The following MYNN variants were observed in gnomAD, a reference collection of about 807,000 sequenced individuals.
MYNN encodes zinc finger and BTB domain-containing protein 31.
In MYNN, 22 loss-of-function variants were observed where a neutral mutation model predicts 57.2. That is an observed-to-expected ratio of 0.38 (90% CI 0.27 to 0.55). The LOEUF (loss-of-function observed/expected upper bound fraction) is 0.55. Among genes scored for constraint, MYNN ranks in the 20% least tolerant of loss-of-function variants. The pLI, the probability that MYNN is intolerant of heterozygous loss-of-function variation, is 0.71. For missense variants in MYNN, 566 were observed against 723.1 expected (o/e 0.78, Z 2.49); for synonymous variants, 241 against 257.1 (o/e 0.94, Z 0.60).
chr3:169,779,599 G>T, intron 3 of MYNN, 38 bp downstream of exon 3: 1 of 1,576,474 alleles, frequency 6.3e-7, no homozygotes, highest in Non-Finnish European at 8.6e-7. Flanking sequence ...TTTTTATACT[G>T]TGACTAATAT....
At chr3:169,779,622 TAG>T (rs1462515701) in intron 3 of MYNN, 61 bp downstream of exon 3, 3 of 1,501,596 alleles carry the variant, frequency 2.0e-6, no homozygotes, top group East Asian at 4.5e-5. Context: ...TGTATTTTTA[TAG>T]AGAGTACTTA....
rs1030239593 is a variant in MYNN at position 169,787,154 on chromosome 3, T to C, written c.*476T>C. On this transcript the variant is annotated 3_prime_UTR_variant, in exon 8 of 8. Transcript: ENST00000349841. ...CTATGCATAAAAATAAAATTTCATATTTTCGCTCGTAAAAATTTAGGCGCT... is the reference window on the plus strand; with the variant it reads ...CTATGCATAAAAATAAAATTTCATACTTTCGCTCGTAAAAATTTAGGCGCT... The C allele has an allele frequency of 8.5e-5, 13 of 152,844 alleles. No homozygotes were observed. Among genetic ancestry groups the C allele is most frequent in the African/African-American group, 3.1e-4 (13 of 41,436 alleles). 9.5% of individuals were successfully genotyped at this position (152,844 alleles called of 1,614,324 possible).
chr3:169,779,492 G>T lies in MYNN; in HGVS notation c.991G>T (p.Val331Phe). 6.2e-7 allele frequency: 1 copy of T among 1,614,196 alleles called. No individual in the cohort carries two copies. The highest frequency in any genetic ancestry group is 8.5e-7 in the Non-Finnish European group (1 of 1,180,038). Residue 331 changes from valine (V) to phenylalanine (F), a missense_variant, in exon 3 of 8, where the codon GTC (valine) becomes TTC (phenylalanine). This residue lies in a region of MYNN where 123 missense variants were observed against 222.6 expected (regional missense o/e 0.55). Transcript: ENST00000349841. ...AATACATAAAGGAGTCAAACCTTAC[G>T]TCTGCCACTTATGTGGAAAGGCATT... is the stretch of plus-strand genomic sequence containing the variant. ...MRIHKGVKPY[V>F]CHLCGKAFTQ... is the part of the protein sequence containing the mutation.
Position 169,781,203 on chromosome 3 carries a change from A to G in MYNN, c.1220+454A>G, listed in dbSNP as rs184228704. Among the ~76,000 whole-genome samples the G allele has an allele frequency of 3.4e-4, 52 of 152,358 alleles. 1 individual carries two copies. In the East Asian group the frequency reaches 7.7e-3, roughly 23 times the overall value. On this transcript the variant is annotated intron_variant, in intron 4 of 7. Transcript: ENST00000349841. ...TGTATGTGAAGTCTGGAAGAGAGTC[A>G]AAGATGATTCTGAGGTTTTGGGCCT...
At position 169,780,661 on chromosome 3, in the gene MYNN, C is replaced by T. The variant is rs772569408; in HGVS notation, c.1132C>T (p.Arg378Cys). 7.4e-6 allele frequency: 12 copies of T among 1,612,462 alleles called. No individual in the cohort carries two copies. The highest frequency in any genetic ancestry group is 2.2e-5 in the East Asian group (1 of 44,824). The change falls in exon 4 of 8, where the codon CGC becomes TGC. Residue 378 changes from arginine (R) to cysteine (C), a missense_variant. Coordinates refer to ENST00000349841, the MANE Select transcript of MYNN (RefSeq NM_018657.5). ...GAAATGTCAGCTAGTCTTCCATAGTCGCATGCATCATGGTGAAGAAAAACC... is the reference window on the plus strand; with the variant it reads ...GAAATGTCAGCTAGTCTTCCATAGTTGCATGCATCATGGTGAAGAAAAACC... ...AQKCQLVFHSRMHHGEEKPYK... is the reference protein window; with the variant it reads ...AQKCQLVFHSCMHHGEEKPYK...
chr3:169,783,785 A>T (rs1778590667), intron 6 of MYNN: 1 of 595,080 alleles, frequency 1.7e-6, no homozygotes, highest in Non-Finnish European at 3.1e-6. Flanking sequence ...TCCAAGAAAT[A>T]TGCCAGATAA....
chr3:169,775,443 T>C (rs1220221636), intron 2 of MYNN, among the ~76,000 whole-genome samples: 1 of 152,228 alleles, frequency 6.6e-6, no homozygotes, highest in Non-Finnish European at 1.5e-5. Context: ...CTGTTCATAA[T>C]CTTCTGACAC....
At chr3:169,780,502 C>G (rs1192214727) in intron 3 of MYNN, 88 bp from the exon 4 acceptor site, 1 of 882,280 alleles carries the variant, frequency 1.1e-6, no homozygotes, top group Non-Finnish European at 1.6e-6. Context: ...TTCTTAATAA[C>G]AAAGCTAGTA....
At chr3:169,784,841 A>G (rs1011864033) in intron 7 of MYNN, 133 bp downstream of exon 7, 3 of 473,934 alleles carry the variant, frequency 6.3e-6, no homozygotes, top group Admixed American at 4.4e-5. Context: ...AAAACTAGGT[A>G]TATACATGTG....
At chr3:169,776,894 GT>G (rs1413065925) in intron 2 of MYNN, among the ~76,000 whole-genome samples, 1 of 151,964 alleles carries the variant, frequency 6.6e-6, no homozygotes, top group Non-Finnish European at 1.5e-5. Context: ...TAGATACGGG[GT>G]TTTACCATGT....
rs1379239377 is a variant in MYNN, at chr3:169,779,225, G to A, written c.724G>A (p.Glu242Lys). Residue 242 changes from glutamate to lysine, a missense_variant, in exon 3 of 8, where the codon GAA becomes AAA. Transcript: ENST00000349841. ...AGAACTCGAGTTGACATCAGTTGTG[G>A]AAAATACTTTTCCAGCACAAGATAT... The part of the protein sequence containing the change: ...NSELELTSVV[E>K]NTFPAQDIVH... 1 of 1,614,180 alleles carries A rather than the reference G, an allele frequency of 6.2e-7. No homozygotes were observed. The highest frequency in any genetic ancestry group is 1.3e-5 in the African/African-American group (1 of 75,048).
chr3:169,774,706 G>A (rs1422389260), intron 2 of MYNN, 145 bp downstream of exon 2: 6 of 748,254 alleles, frequency 8.0e-6, no homozygotes, highest in Non-Finnish European at 8.6e-6. Context: ...AAAGAAATCA[G>A]TATCACTGAT....
At chr3:169,786,364 G>T (rs1778676803) in intron 7 of MYNN, 52 bp from the exon 8 acceptor site, 3 of 1,527,998 alleles carry the variant, frequency 2.0e-6, no homozygotes. Flanking sequence ...CTACCTCAGG[G>T]GTTTAGTTTT....
At position 169,779,363 on chromosome 3, in the gene MYNN, A is replaced by G. The variant is rs1778443727; in HGVS notation, c.862A>G (p.Asn288Asp). The change falls in exon 3 of 8, where the codon AAC becomes GAC. Residue 288 changes from asparagine to aspartate, a missense_variant. Asn to Asp is a conservative substitution (Grantham distance 23). This residue lies in a region of MYNN where 261 missense variants were observed against 280.8 expected (regional missense o/e 0.93). Transcript: ENST00000349841. The part of the protein sequence containing the change: ...ASVKSPYEAE[N>D]SGEELDQRYS... ...CGTCAAGAGTCCTTATGAGGCGGAG[A>G]ACTCCGGGGAAGAGCTGGATCAGAG... 1.9e-6 allele frequency: 3 copies of G among 1,614,206 alleles called. No individual in the cohort carries two copies. Among genetic ancestry groups the G allele is most frequent in the Admixed American group, 1.7e-5 (1 of 60,030 alleles).
chr3:169,780,445 T>A, intron 3 of MYNN, 145 bp from the exon 4 acceptor site: 1 of 533,560 alleles, frequency 1.9e-6, no homozygotes, highest in South Asian at 3.3e-5. Context: ...GTGTTTTCAG[T>A]GGTCTGGAAA....
At position 169,779,635 on chromosome 3, in the gene MYNN, G is replaced by A. The variant is rs1778452523; in HGVS notation, c.1060+74G>A. 4 of 1,414,442 alleles carry A rather than the reference G, an allele frequency of 2.8e-6. No individual in the cohort carries two copies. The Admixed American group carries it at 6.5e-5, about 23-fold the overall frequency. The allele number at this position is 1,414,442 out of a possible 1,614,324, so 87.6% of individuals were successfully genotyped here. Reference sequence around the variant, plus strand: ...AGTGTATTTTTATAGAGAGTACTTAGCACACACTACTTGTGACCAGAATTT... The same window carrying A: ...AGTGTATTTTTATAGAGAGTACTTAACACACACTACTTGTGACCAGAATTT... On this transcript the variant is annotated intron_variant, in intron 3 of 7. Coordinates refer to ENST00000349841, the MANE Select transcript of MYNN (RefSeq NM_018657.5).
At chr3:169,776,829 G>A (rs372229879) in intron 2 of MYNN, among the ~76,000 whole-genome samples, 6 of 148,366 alleles carry the variant, frequency 4.0e-5, no homozygotes, top group Non-Finnish European at 8.9e-5. Context: ...TCAGCCTCCC[G>A]AGTAGCTGGA....
intron 5 of MYNN, among the ~76,000 whole-genome samples, chr3:169,783,159 A>C (rs114146302): frequency 0.013 from 2,041 of 152,234 alleles, 51 homozygotes; most frequent in African/African-American, 0.047. Flanking sequence ...TTATTAATAT[A>C]GTAGATAGCA....
intron 2 of MYNN, among the ~76,000 whole-genome samples, chr3:169,775,448 T>C (rs565690827): frequency 6.6e-6 from 1 of 152,316 alleles, no homozygotes; most frequent in African/African-American, 2.4e-5. Context: ...CATAATCTTC[T>C]GACACAGGAA....
Sources: allele counts gnomAD v4.1 joint callset (sites outside exome capture counted in the v4.1 genomes callset), GRCh38; gene constraint gnomAD v4.1.1; regional missense constraint gnomAD v4.1.1; transcripts MANE v1.5; gene names NCBI Gene and HGNC (gene_info 2026-07-23, HGNC 2026-07-21).